NFIB: variants seen among roughly 807,000 people sequenced by gnomAD.
NFIB encodes nuclear factor 1 B-type.
Under a neutral mutation model 61.5 loss-of-function variants are expected in NFIB, and 11 were observed. That is an observed-to-expected ratio of 0.18 (90% CI 0.11 to 0.30). The LOEUF is 0.30. Ranked by LOEUF, NFIB falls within the 10% of genes least tolerant of loss-of-function variation. The pLI is 1.00. For synonymous variants in NFIB, 260 were observed against 216.5 expected, an observed-to-expected ratio of 1.20 and a Z score of -1.76; for missense variants, 471 against 608.9, an observed-to-expected ratio of 0.77 and a Z score of 2.38.
chr9:14,129,229 CAGGTGAAGAACGGTAGTATCAGA>C (rs1337143196), intron 6 of NFIB, among the ~76,000 whole-genome samples: 1 of 152,102 alleles, frequency 6.6e-6, no homozygotes, highest in East Asian at 1.9e-4. Flanking sequence ...GCTTTAGAGA[CAGGTGAAGAACGGTAGTATCAGA>C]ATATAGGTTT....
intron 2 of NFIB, among the ~76,000 whole-genome samples, chr9:14,244,020 T>C (rs1160606333): frequency 1.4e-4 from 22 of 152,246 alleles, no homozygotes; most frequent in Admixed American, 1.0e-3. Context: ...AAATCAGTAC[T>C]ATTATGTGGT....
chr9:14,346,290 A>ACCCC (rs67699489), intron 1 of NFIB, among the ~76,000 whole-genome samples: 1,801 of 88,092 alleles, frequency 0.02, 174 homozygotes, highest in South Asian at 0.047. Flanking sequence ...GGTAACCGAC[A>ACCCC]CCCCCCCCCC....
intron 2 of NFIB, among the ~76,000 whole-genome samples, chr9:14,223,736 AATCTT>A (rs1364911720): frequency 6.6e-6 from 1 of 152,206 alleles, no homozygotes; most frequent in African/African-American, 2.4e-5. Context: ...AACGCAGAAA[AATCTT>A]ATCAGCTCTA....
chr9:14,145,770 C>T (rs1196662525), intron 6 of NFIB, among the ~76,000 whole-genome samples: 2 of 151,784 alleles, frequency 1.3e-5, no homozygotes, highest in African/African-American at 4.8e-5. Flanking sequence ...CCCACCTCAG[C>T]CTCCTGAGTA....
intron 1 of NFIB, among the ~76,000 whole-genome samples, chr9:14,327,438 G>A (rs2060768618): frequency 6.6e-6 from 1 of 152,200 alleles, no homozygotes. Context: ...CGTAGGTGCA[G>A]CCCAGGGAGT....
chr9:14,293,032 A>C (rs2059202881), intron 2 of NFIB, among the ~76,000 whole-genome samples: 1 of 152,224 alleles, frequency 6.6e-6, no homozygotes, highest in Non-Finnish European at 1.5e-5. Context: ...ACAGAATTCT[A>C]AATGGTTTGT....
the NFIB span, among the ~76,000 whole-genome samples, chr9:14,510,603 ATC>A: frequency 1.3e-5 from 2 of 152,194 alleles, no homozygotes; most frequent in Admixed American, 6.5e-5. Flanking sequence ...GTTTCAACTA[ATC>A]TCTCTTTTGT....
chr9:14,206,834 A>G (rs2049790433), intron 2 of NFIB, among the ~76,000 whole-genome samples: 1 of 152,052 alleles, frequency 6.6e-6, no homozygotes, highest in African/African-American at 2.4e-5. Flanking sequence ...TTTGGAGATC[A>G]TGCTCTATGT....
chr9:14,225,469 AAAAAAAAAAAAGAAG>A (rs995654439), intron 2 of NFIB, among the ~76,000 whole-genome samples: 6 of 145,386 alleles, frequency 4.1e-5, no homozygotes, highest in African/African-American at 1.6e-4. Flanking sequence ...AAAAAAAAAA[AAAAAAAAAAAAGAAG>A]AAGAAGAAAA....
At chr9:14,448,479 G>C in the NFIB span, among the ~76,000 whole-genome samples, 1 of 152,204 alleles carries the variant, frequency 6.6e-6, no homozygotes, top group Non-Finnish European at 1.5e-5. Flanking sequence ...GAGAGTGGCA[G>C]TAATATTTCT....
At chr9:14,287,516 C>A (rs1217678070) in intron 2 of NFIB, among the ~76,000 whole-genome samples, 1 of 151,828 alleles carries the variant, frequency 6.6e-6, no homozygotes, top group Non-Finnish European at 1.5e-5. Context: ...CTCTGCCTCC[C>A]GGGTTCAAAC....
the NFIB span, among the ~76,000 whole-genome samples, chr9:14,492,975 T>A: frequency 6.6e-6 from 1 of 152,188 alleles, no homozygotes; most frequent in Non-Finnish European, 1.5e-5. Context: ...GAATGAGGAA[T>A]AAGCCTCACT....
At chr9:14,100,239 C>T (rs2035537616) in intron 10 of NFIB, among the ~76,000 whole-genome samples, 1 of 152,082 alleles carries the variant, frequency 6.6e-6, no homozygotes, top group South Asian at 2.1e-4. Context: ...TTCTGACTTA[C>T]TATGACCTGA....
intron 1 of NFIB, among the ~76,000 whole-genome samples, chr9:14,331,761 C>T (rs1034023184): frequency 6.6e-6 from 1 of 152,198 alleles, no homozygotes; most frequent in Non-Finnish European, 1.5e-5. Context: ...AACCACGATT[C>T]CCTTACCTTC....
the NFIB span, among the ~76,000 whole-genome samples, chr9:14,454,252 T>C: frequency 6.6e-6 from 1 of 152,216 alleles, no homozygotes; most frequent in African/African-American, 2.4e-5. Flanking sequence ...TAGACCTGAC[T>C]TGTCAAATGA....
chr9:14,437,059 C>T, the NFIB span, among the ~76,000 whole-genome samples: 1 of 152,214 alleles, frequency 6.6e-6, no homozygotes, highest in Admixed American at 6.5e-5. Context: ...CCAGTTCTTT[C>T]TCCAACCCTT....
At chr9:14,257,314 A>C (rs1427230821) in intron 2 of NFIB, among the ~76,000 whole-genome samples, 1 of 152,222 alleles carries the variant, frequency 6.6e-6, no homozygotes, top group Non-Finnish European at 1.5e-5. Flanking sequence ...GCACAGCTGA[A>C]AAAAACTGTG....
intron 10 of NFIB, among the ~76,000 whole-genome samples, chr9:14,105,394 A>C (rs948924597): frequency 2.0e-5 from 3 of 152,238 alleles, no homozygotes; most frequent in Non-Finnish European, 4.4e-5. Flanking sequence ...GTTACTAAAA[A>C]TGTAAAATAT....
chr9:14,481,250 C>G, the NFIB span, among the ~76,000 whole-genome samples: 2 of 80,050 alleles, frequency 2.5e-5, no homozygotes, highest in South Asian at 4.8e-4. Flanking sequence ...AGCATCCCAG[C>G]TTCATGGTTG....
Sources: gnomAD v4.1 joint callset for allele counts (sites outside exome capture counted in the v4.1 genomes callset) on GRCh38, gnomAD v4.1.1 for gene constraint, MANE v1.5 for transcripts, NCBI Gene and HGNC (gene_info 2026-07-23, HGNC 2026-07-21) for gene names.